NAA16: variants seen among roughly 807,000 people sequenced by gnomAD.
NAA16 encodes the protein NARG1-like protein.
A neutral mutation model predicts 110.3 loss-of-function variants in NAA16; 97 were observed. The observed-to-expected ratio is 0.88, with a 90% CI of 0.75 to 1.04. The LOEUF (loss-of-function observed/expected upper bound fraction) is 1.04, where lower values mean the gene tolerates loss of function less well. Ranked by LOEUF, NAA16 falls within the 50% of genes least tolerant of loss-of-function variation. NAA16 has a pLI of 0.00. For synonymous variants in NAA16, 372 were observed against 330.6 expected, an observed-to-expected ratio of 1.13 and a Z score of -1.36; for missense variants, 1,017 against 1,005.1, an observed-to-expected ratio of 1.01 and a Z score of -0.16.
chr13:41,320,834 T>C lies in NAA16; in HGVS notation c.402+10T>C. 6.3e-7 allele frequency: 1 copy of C among 1,583,488 alleles called. No individual in the cohort carries two copies. ...CCTTGAAGGTTACCGAGTAAGTACTTCATTCTTAAATGTACATGATTTTAC... is the reference window on the plus strand; with the variant it reads ...CCTTGAAGGTTACCGAGTAAGTACTCCATTCTTAAATGTACATGATTTTAC... On this transcript the variant is annotated intron_variant, in intron 4 of 19. Transcript: ENST00000379406.
chr13:41,324,619 G>T (rs892969143), intron 5 of NAA16, among the ~76,000 whole-genome samples: 1 of 150,942 alleles, frequency 6.6e-6, no homozygotes, highest in Non-Finnish European at 1.5e-5. Context: ...TGTGATCCAC[G>T]TGCCTCTGCC....
chr13:41,375,715 A>T lies in NAA16; in HGVS notation c.*113A>T. On this transcript the variant is annotated 3_prime_UTR_variant, in exon 20 of 20. Transcript: ENST00000379406. The stretch of plus-strand genomic sequence containing the variant: ...AATGAAATATTTGGTTAGGATTTTT[A>T]AATGGCATATTCTGTAAGCTTATTT... 1.3e-6 allele frequency: 1 copy of T among 771,804 alleles called. No individual in the cohort carries two copies. 47.8% of individuals were successfully genotyped at this position (771,804 alleles called of 1,614,324 possible).
chr13:41,358,589 AAT>A lies in NAA16; in HGVS notation c.1257+117_1257+118del, dbSNP rs1406724187. 17 of 1,480,720 alleles carry A rather than the reference AAT, an allele frequency of 1.1e-5. No individual in the cohort carries two copies. The African/African-American group carries it at 2.3e-4, about 20-fold the overall frequency. 91.7% of individuals were successfully genotyped at this position (1,480,720 alleles called of 1,614,324 possible). A position where few individuals can be genotyped will look rare whatever the true frequency, so the allele number is the denominator to read the frequency against. ...GGCACCCTGATAATCTTTTTCTAAT[AAT>A]CCTGTGTAGTTTCATGTTATATTAA... On this transcript the variant is annotated intron_variant, in intron 11 of 19. Coordinates refer to ENST00000379406, the MANE Select transcript of NAA16 (RefSeq NM_024561.5).
intron 9 of NAA16, among the ~76,000 whole-genome samples, chr13:41,353,799 A>ACC (rs1375297964): frequency 1.2e-4 from 17 of 136,084 alleles, no homozygotes; most frequent in African/African-American, 5.0e-4. Context: ...ACACACACAC[A>ACC]CACCCCAAAA....
At chr13:41,369,842 A>G (rs998174598) in intron 15 of NAA16, among the ~76,000 whole-genome samples, 1 of 152,242 alleles carries the variant, frequency 6.6e-6, no homozygotes, top group Non-Finnish European at 1.5e-5. Context: ...AAGGAAATGC[A>G]GTCCTGCTGA....
intron 1 of NAA16, 25 bp downstream of exon 1, chr13:41,311,607 C>T (rs755539002): frequency 3.1e-6 from 5 of 1,596,710 alleles, no homozygotes; most frequent in Non-Finnish European, 3.4e-6. Context: ...GCCGCGCTGC[C>T]GCCCCCCGGT....
intron 5 of NAA16, among the ~76,000 whole-genome samples, chr13:41,325,101 G>A (rs2042056739): frequency 1.3e-5 from 2 of 151,898 alleles, no homozygotes; most frequent in African/African-American, 4.8e-5. Flanking sequence ...GGGATTACAG[G>A]CATGTGCCAC....
chr13:41,368,665 G>GT (rs1031405707), intron 14 of NAA16, among the ~76,000 whole-genome samples: 14 of 152,242 alleles, frequency 9.2e-5, no homozygotes, highest in Admixed American at 5.2e-4. Flanking sequence ...TCATAAATAT[G>GT]TTTTTTTAAA....
intron 1 of NAA16, among the ~76,000 whole-genome samples, chr13:41,312,142 A>G (rs1439362188): frequency 6.6e-6 from 1 of 152,220 alleles, no homozygotes; most frequent in African/African-American, 2.4e-5. Flanking sequence ...CCTTTGGGAA[A>G]AAGTTTGCCT....
At chr13:41,312,008 TTTAG>T (rs1284996787) in intron 1 of NAA16, among the ~76,000 whole-genome samples, 4 of 152,034 alleles carry the variant, frequency 2.6e-5, no homozygotes, top group Non-Finnish European at 5.9e-5. Context: ...CTGCTTTGCG[TTTAG>T]TTAGATTGCA....
At chr13:41,313,586 G>GA (rs2041713873) in intron 1 of NAA16, among the ~76,000 whole-genome samples, 1 of 152,126 alleles carries the variant, frequency 6.6e-6, no homozygotes, top group Non-Finnish European at 1.5e-5. Flanking sequence ...TTTTTCTATT[G>GA]AAAAAATTCA....
intron 14 of NAA16, among the ~76,000 whole-genome samples, chr13:41,368,142 G>GA (rs1254355733): frequency 6.6e-6 from 1 of 151,806 alleles, no homozygotes; most frequent in African/African-American, 2.4e-5. Flanking sequence ...AGCTCCTTAG[G>GA]AAAAAATATA....
chr13:41,333,861 A>G (rs547487985), intron 8 of NAA16, among the ~76,000 whole-genome samples: 3 of 151,556 alleles, frequency 2.0e-5, no homozygotes, highest in Non-Finnish European at 4.4e-5. Context: ...TTTATTGTAA[A>G]GTGTGATTTA....
chr13:41,316,325 G>A lies in NAA16; in HGVS notation c.55-521G>A, dbSNP rs1354539578. Among the ~76,000 whole-genome samples, 3 of 88,410 alleles carry A rather than the reference G, an allele frequency of 3.4e-5. No homozygotes were observed. The South Asian group carries it at 1.1e-3, about 31-fold the overall frequency. 58.0% of individuals were successfully genotyped at this position (88,410 alleles called of 152,430 possible). ...TTGTAATTTTTTTTTTTTTTTTTTT[G>A]AGACAGAGTCTCGCTCTGTTTCCCA... On this transcript the variant is annotated intron_variant, in intron 1 of 19. Coordinates refer to ENST00000379406, the MANE Select transcript of NAA16 (RefSeq NM_024561.5).
At position 41,362,068 on chromosome 13, in the gene NAA16, AG is replaced by A; in HGVS notation, c.1449del (p.Gln483HisfsTer23). ...TSAMENLNEM[Q>X]CMWFQTECIS... Reference sequence around the variant, plus strand: ...GCCATGGAAAATCTAAATGAAATGCAGTGTATGTGGTTTCAGACAGAATGCA... The same window carrying A: ...GCCATGGAAAATCTAAATGAAATGCATGTATGTGGTTTCAGACAGAATGCA... On this transcript the variant is annotated frameshift_variant, in exon 13 of 20. Coordinates refer to ENST00000379406, the MANE Select transcript of NAA16 (RefSeq NM_024561.5). LOFTEE classifies it high-confidence loss of function. 1.9e-6 allele frequency: 3 copies of A among 1,611,808 alleles called. No individual in the cohort carries two copies.
chr13:41,344,563 C>T (rs1363388661), intron 9 of NAA16, among the ~76,000 whole-genome samples: 1 of 152,094 alleles, frequency 6.6e-6, no homozygotes, highest in African/African-American at 2.4e-5. Flanking sequence ...CTAAACATTC[C>T]ACAAGGTACA....
Position 41,372,312 on chromosome 13 carries a change from G to T in NAA16, c.2056+1G>T. On this transcript the variant is annotated splice_donor_variant, in intron 16 of 19. Transcript: ENST00000379406. LOFTEE classifies it high-confidence loss of function. ...GCATTTGAAATATATTTTAGAAAAG[G>T]TAATAAATAGTTTGAGTTCAGTTTT... is the stretch of plus-strand genomic sequence containing the variant. 6.4e-7 allele frequency: 1 copy of T among 1,568,876 alleles called. No homozygotes were observed. Among genetic ancestry groups the T allele is most frequent in the Non-Finnish European group, 8.6e-7 (1 of 1,160,610 alleles).
At chr13:41,355,356 G>A in intron 10 of NAA16, 140 bp downstream of exon 10, 1 of 589,774 alleles carries the variant, frequency 1.7e-6, no homozygotes, top group Non-Finnish European at 3.0e-6. Flanking sequence ...TGAAATGAGA[G>A]CACTTTCAAT....
chr13:41,350,619 TGTTTG>T (rs749480398), intron 9 of NAA16, among the ~76,000 whole-genome samples: 1,797 of 15,234 alleles, frequency 0.12, 72 homozygotes, highest in African/African-American at 0.19. Flanking sequence ...TTTTTTTTTT[TGTTTG>T]TTTGTTTTTT....
Sources: allele counts gnomAD v4.1 joint callset (sites outside exome capture counted in the v4.1 genomes callset), GRCh38; gene constraint gnomAD v4.1.1; transcripts MANE v1.5; gene names NCBI Gene and HGNC (gene_info 2026-07-23, HGNC 2026-07-21).